Variants in ANKS1B observed in about 807,000 individuals in gnomAD.
The protein encoded by ANKS1B is ankyrin repeat and sterile alpha motif domain containing 1B.
ANKS1B carries 36 observed loss-of-function variants against 148.3 expected under a neutral mutation model. The ratio of observed to expected loss-of-function variants is 0.24; its 90% CI spans 0.19 to 0.32. ANKS1B has a LOEUF of 0.32. Among genes scored for constraint, ANKS1B ranks in the 10% least tolerant of loss-of-function variants. The pLI, the probability that ANKS1B is intolerant of heterozygous loss-of-function variation, is 1.00. For missense variants in ANKS1B, 1,157 were observed against 1,542.6 expected (o/e 0.75, Z 4.19); for synonymous variants, 542 against 560.8 (o/e 0.97, Z 0.47).
intron 9 of ANKS1B, among the ~76,000 whole-genome samples, chr12:99,549,519 C>G (rs1208598185): frequency 6.6e-6 from 1 of 152,170 alleles, no homozygotes; most frequent in Non-Finnish European, 1.5e-5. Context: ...CTCCCTCACT[C>G]TTTTCTTTCT....
intron 10 of ANKS1B, among the ~76,000 whole-genome samples, chr12:99,487,454 G>A (rs2096506158): frequency 6.6e-6 from 1 of 152,108 alleles, no homozygotes; most frequent in Non-Finnish European, 1.5e-5. Context: ...TGAGCTTTGA[G>A]CATTGCTTAA....
At chr12:98,960,108 T>G (rs140781509) in intron 17 of ANKS1B, among the ~76,000 whole-genome samples, 181 of 152,282 alleles carry the variant, frequency 1.2e-3, no homozygotes, top group African/African-American at 4.1e-3. Context: ...ACCTGCTGAT[T>G]GTAGAACCCT....
At chr12:99,438,023 C>A (rs895317480) in intron 11 of ANKS1B, among the ~76,000 whole-genome samples, 1 of 151,924 alleles carries the variant, frequency 6.6e-6, no homozygotes, top group Non-Finnish European at 1.5e-5. Context: ...TCTCCTCTAT[C>A]TTCCTGGAAG....
chr12:99,058,654 C>A (rs1408154375), intron 16 of ANKS1B, among the ~76,000 whole-genome samples: 1 of 150,964 alleles, frequency 6.6e-6, no homozygotes, highest in South Asian at 2.1e-4. Flanking sequence ...CACATCTTCG[C>A]TCATGCCATT....
rs76514446 is a variant in ANKS1B at position 99,629,644 on chromosome 12, G to A, written c.1272+25423C>T. On this transcript the variant is annotated intron_variant, in intron 9 of 26. Transcript: ENST00000683438. ...TTCTGAGGTCACACAGCTTATATTT[G>A]TTAAAGCTGGGACTTTATAGAAGAT... Among the ~76,000 whole-genome samples the A allele has an allele frequency of 3.9e-4, 59 of 152,188 alleles. 1 individual carries two copies. In the East Asian group the frequency reaches 0.011, roughly 29 times the overall value.
intron 1 of ANKS1B, among the ~76,000 whole-genome samples, chr12:99,961,096 A>G (rs1372934568): frequency 1.3e-5 from 2 of 152,052 alleles, no homozygotes; most frequent in Non-Finnish European, 2.9e-5. Flanking sequence ...AGGCGTGGTG[A>G]CAGGCGCCTG....
intron 13 of ANKS1B, among the ~76,000 whole-genome samples, chr12:99,245,140 C>T (rs966517675): frequency 5.9e-5 from 9 of 152,314 alleles, no homozygotes; most frequent in African/African-American, 1.9e-4. Context: ...CAGGCATGAG[C>T]CACCATTCCC....
chr12:98,748,054 T>C (rs1340082076), intron 26 of ANKS1B, among the ~76,000 whole-genome samples: 1 of 152,200 alleles, frequency 6.6e-6, no homozygotes, highest in Admixed American at 6.5e-5. Context: ...AGGGTGACTG[T>C]AGTTAACAAC....
At chr12:99,470,221 G>A (rs1036595264) in intron 10 of ANKS1B, among the ~76,000 whole-genome samples, 1 of 151,366 alleles carries the variant, frequency 6.6e-6, no homozygotes, top group African/African-American at 2.4e-5. Context: ...TATCAACATT[G>A]GTCTTATTTT....
chr12:99,382,716 AAAGAGAG>A lies in ANKS1B; in HGVS notation c.1756+16908_1756+16914del, dbSNP rs780974965. 7.0e-3 allele frequency among the ~76,000 whole-genome samples: 679 copies of A among 96,812 alleles called. 11 individuals carry two copies. The highest frequency in any genetic ancestry group is 0.029 in the African/African-American group (656 of 22,406). 63.5% of individuals were successfully genotyped at this position (96,812 alleles called of 152,430 possible). A position where few individuals can be genotyped will look rare whatever the true frequency, so the allele number is the denominator to read the frequency against. On this transcript the variant is annotated intron_variant, in intron 12 of 26. Transcript: ENST00000683438. The stretch of plus-strand genomic sequence containing the variant: ...CTGTATTAAAAAAAAAAAAAAAAAA[AAAGAGAG>A]AGAGAGAGAGAGCTTGCACAAAAGC...
chr12:99,608,061 G>T (rs1272736516), intron 9 of ANKS1B, among the ~76,000 whole-genome samples: 1 of 151,912 alleles, frequency 6.6e-6, no homozygotes, highest in Non-Finnish European at 1.5e-5. Flanking sequence ...TTGGGTTTTG[G>T]GTCTCTTAGA....
At chr12:99,466,121 A>C (rs2096107408) in intron 10 of ANKS1B, among the ~76,000 whole-genome samples, 1 of 152,256 alleles carries the variant, frequency 6.6e-6, no homozygotes, top group African/African-American at 2.4e-5. Context: ...ACTAGAACTC[A>C]GGATTAAGAA....
intron 12 of ANKS1B, among the ~76,000 whole-genome samples, chr12:99,311,429 T>C (rs1291955112): frequency 2.0e-5 from 3 of 152,136 alleles, no homozygotes; most frequent in Non-Finnish European, 4.4e-5. Context: ...AAGAAGGGCA[T>C]ATATATGAAG....
At chr12:99,319,230 T>C (rs1266639508) in intron 12 of ANKS1B, among the ~76,000 whole-genome samples, 1 of 152,180 alleles carries the variant, frequency 6.6e-6, no homozygotes, top group African/African-American at 2.4e-5. Context: ...GATATCCTTG[T>C]TAACTTTCTG....
chr12:99,032,923 GTGACTT>G (rs2099953163), intron 17 of ANKS1B, among the ~76,000 whole-genome samples: 1 of 152,096 alleles, frequency 6.6e-6, no homozygotes, highest in Admixed American at 6.6e-5. Flanking sequence ...TAAAAAATAG[GTGACTT>G]CAGATCAGTA....
Position 99,399,797 on chromosome 12 carries a change from T to C in ANKS1B, c.1590A>G (p.Thr530=), listed in dbSNP as rs776418136. 13 of 1,613,398 alleles carry C rather than the reference T, an allele frequency of 8.1e-6. No homozygotes were observed. Among genetic ancestry groups the C allele is most frequent in the Non-Finnish European group, 1.1e-5 (13 of 1,179,422 alleles). The change falls in exon 12 of 27, where the codon ACA becomes ACG. Residue 530 remains threonine, a synonymous_variant. Transcript: ENST00000683438. ...KVIRPQPKQR[T]SIVSSLDFHR... ...GAAAATCCAGAGAAGACACAATGGA[T>C]GTTCGCTGTTTAGGCTAAAATAAAT...
At chr12:99,742,837 CAAAAA>C (rs57232737) in intron 8 of ANKS1B, among the ~76,000 whole-genome samples, 63 of 119,542 alleles carry the variant, frequency 5.3e-4, no homozygotes, top group African/African-American at 1.7e-3. Context: ...GACTCTGTCT[CAAAAA>C]AAAAAAAAAA....
At chr12:99,461,138 A>G (rs1567144885) in intron 10 of ANKS1B, among the ~76,000 whole-genome samples, 1 of 152,016 alleles carries the variant, frequency 6.6e-6, no homozygotes, top group Non-Finnish European at 1.5e-5. Flanking sequence ...AGCAACCTGG[A>G]TAGAACTGGT....
At chr12:98,863,379 A>C (rs2099609161) in intron 17 of ANKS1B, among the ~76,000 whole-genome samples, 1 of 152,202 alleles carries the variant, frequency 6.6e-6, no homozygotes, top group South Asian at 2.1e-4. Context: ...CCAGCTATGC[A>C]AATTAGAGTA....
Sources: allele counts gnomAD v4.1 joint callset (sites outside exome capture counted in the v4.1 genomes callset), GRCh38; gene constraint gnomAD v4.1.1; transcripts MANE v1.5; gene names NCBI Gene and HGNC (gene_info 2026-07-23, HGNC 2026-07-21).